LDB3: variants seen among roughly 807,000 people sequenced by gnomAD.
LDB3 encodes LIM domain-binding protein 3.
LDB3 carries 49 observed loss-of-function variants against 69.0 expected under a neutral mutation model. The ratio of observed to expected loss-of-function variants is 0.71; its 90% CI spans 0.56 to 0.90. The LOEUF is 0.90. Ranked by LOEUF, LDB3 falls within the 40% of genes least tolerant of loss-of-function variation. The probability of loss-of-function intolerance (pLI) is 0.00; values close to 1 mark genes in which losing one functional copy is unlikely to be tolerated. For missense variants in LDB3, 928 were observed against 974.1 expected (o/e 0.95, Z 0.63); for synonymous variants, 387 against 396.2 (o/e 0.98, Z 0.28).
intron 10 of LDB3, 152 bp from the exon 11 acceptor site, chr10:86,717,812 T>G: frequency 2.8e-6 from 2 of 722,362 alleles, no homozygotes; most frequent in Non-Finnish European, 4.6e-6. Flanking sequence ...CCTTTCTGCA[T>G]GGAGCTTTCT....
At chr10:86,683,176 T>G (rs1439473609) in intron 5 of LDB3, among the ~76,000 whole-genome samples, 3 of 152,158 alleles carry the variant, frequency 2.0e-5, no homozygotes. Flanking sequence ...GAGGTCAGCC[T>G]CTGGTGGCCT....
intron 7 of LDB3, among the ~76,000 whole-genome samples, chr10:86,700,878 G>A (rs1477101389): frequency 6.6e-6 from 1 of 152,246 alleles, no homozygotes; most frequent in Non-Finnish European, 1.5e-5. Context: ...CTGAGGACAT[G>A]AGAGTGGTGG....
rs1364153970 is a variant in LDB3, at chr10:86,733,776, T to C, written c.*800T>C. 6.6e-6 allele frequency: 1 copy of C among 152,276 alleles called. No individual in the cohort carries two copies. The highest frequency in any genetic ancestry group is 1.5e-5 in the Non-Finnish European group (1 of 68,112). The allele number at this position is 152,276 out of a possible 1,614,324, so 9.4% of individuals were successfully genotyped here. A position where few individuals can be genotyped will look rare whatever the true frequency, so the allele number is the denominator to read the frequency against. On this transcript the variant is annotated 3_prime_UTR_variant, in exon 14 of 14. Coordinates refer to ENST00000361373, the MANE Select transcript of LDB3 (RefSeq NM_007078.3). ...GTTGGGTTTTTCCAGTTTTGCTCTG[T>C]GGTGTGTGAGAGATTTTTTTAAAGG... is the stretch of plus-strand genomic sequence containing the variant.
intron 7 of LDB3, among the ~76,000 whole-genome samples, chr10:86,702,807 C>G (rs542671404): frequency 9.9e-5 from 15 of 152,240 alleles, no homozygotes; most frequent in Middle Eastern, 6.8e-3. Flanking sequence ...TTCAAGATAC[C>G]CTTTGATGCC....
intron 9 of LDB3, among the ~76,000 whole-genome samples, chr10:86,715,998 C>T (rs1846852768): frequency 6.6e-6 from 1 of 152,072 alleles, no homozygotes; most frequent in African/African-American, 2.4e-5. Context: ...GCCCAGGTAC[C>T]CCCACCCCCA....
intron 10 of LDB3, among the ~76,000 whole-genome samples, chr10:86,717,411 A>G (rs544383110): frequency 1.3e-5 from 2 of 152,372 alleles, no homozygotes; most frequent in African/African-American, 4.8e-5. Flanking sequence ...AAATGTCTTC[A>G]TAGTCCCACT....
At position 86,699,400 on chromosome 10, in the gene LDB3, C is replaced by T. The variant is rs1276379351; in HGVS notation, c.896+6829C>T. On this transcript the variant is annotated intron_variant, in intron 7 of 13. Transcript: ENST00000361373. This position sits in a 1 kb window ranked among gnomAD's most constrained non-coding sequence, Gnocchi z 4.9. ...AAGGCTGCCTGGAATCCCCCCACCC[C>T]AACAGGCTGGACTCCCTCCATCCTT... 3.1e-6 allele frequency: 5 copies of T among 1,613,194 alleles called. No individual in the cohort carries two copies. The highest frequency in any genetic ancestry group is 4.2e-6 in the Non-Finnish European group (5 of 1,179,718).
At chr10:86,724,280 C>G (rs926310761) in intron 12 of LDB3, among the ~76,000 whole-genome samples, 1 of 149,692 alleles carries the variant, frequency 6.7e-6, no homozygotes, top group African/African-American at 2.5e-5. Context: ...CCACTGCACT[C>G]CACCTGGGTG....
At chr10:86,679,933 T>A in intron 3 of LDB3, 149 bp from the exon 4 acceptor site, 1 of 739,210 alleles carries the variant, frequency 1.4e-6, no homozygotes, top group Non-Finnish European at 2.4e-6. Context: ...GCCCATGGGG[T>A]GGACAGTGGA....
intron 2 of LDB3, among the ~76,000 whole-genome samples, chr10:86,670,293 G>A (rs1489626488): frequency 1.3e-5 from 2 of 152,136 alleles, no homozygotes; most frequent in African/African-American, 2.4e-5. Context: ...CTTTGCATGA[G>A]GTGGTGACCT....
rs771099131 is a variant in LDB3, at chr10:86,681,790, G to A, written c.676G>A (p.Gly226Arg). The change falls in exon 5 of 14, where the codon GGA becomes AGA. Residue 226 changes from glycine (G) to arginine (R), a missense_variant. Physicochemically the swap from Gly to Arg is moderately radical, Grantham distance 125. Coordinates refer to ENST00000361373, the MANE Select transcript of LDB3 (RefSeq NM_007078.3). ...CCTCCGAGGGAAGGCCTCGGGTGTC[G>A]GACTCCCAGGAGGGTAGGTAACGGA... Reference protein sequence around the residue: ...MSLRGKASGVGLPGGSLPIKD... With the variant: ...MSLRGKASGVRLPGGSLPIKD... 2.1e-5 allele frequency: 33 copies of A among 1,595,024 alleles called. No individual in the cohort carries two copies. Among genetic ancestry groups the A allele is most frequent in the East Asian group, 2.0e-4 (9 of 44,662 alleles).
chr10:86,686,095 G>T (rs1192751809), intron 5 of LDB3, among the ~76,000 whole-genome samples: 3 of 152,182 alleles, frequency 2.0e-5, no homozygotes, highest in Non-Finnish European at 4.4e-5. Flanking sequence ...TCTGCCCGGG[G>T]AGCGCACCTA....
At chr10:86,677,074 G>T (rs192592109) in intron 2 of LDB3, among the ~76,000 whole-genome samples, 1 of 152,218 alleles carries the variant, frequency 6.6e-6, no homozygotes, top group Non-Finnish European at 1.5e-5. Flanking sequence ...ACTGGCTGGT[G>T]GGCATGTTTG....
rs143817921 is a variant in LDB3, at chr10:86,724,911, G to A, written c.1979-1226G>A. ...GAAGGTTGAGGCCTTGAGAAGTTAC[G>A]CCACTTGCCCCAGGTTTGAACATTT... On this transcript the variant is annotated intron_variant, in intron 12 of 13. Coordinates refer to ENST00000361373, the MANE Select transcript of LDB3 (RefSeq NM_007078.3). Among the ~76,000 whole-genome samples the A allele has an allele frequency of 8.5e-5, 13 of 152,212 alleles. No homozygotes were observed. In the East Asian group the frequency reaches 2.5e-3, roughly 29 times the overall value.
chr10:86,706,064 C>G (rs1056870200), intron 7 of LDB3, among the ~76,000 whole-genome samples: 3 of 152,190 alleles, frequency 2.0e-5, no homozygotes, highest in African/African-American at 7.2e-5. Context: ...ACTCCAGAGC[C>G]TAAGCCCTTG....
At chr10:86,675,443 T>C (rs1170842776) in intron 2 of LDB3, among the ~76,000 whole-genome samples, 1 of 152,352 alleles carries the variant, frequency 6.6e-6, no homozygotes. Flanking sequence ...CTCCCATCTT[T>C]CCTGTCAGCA....
chr10:86,707,892 C>G (rs969090764), intron 8 of LDB3, among the ~76,000 whole-genome samples: 2 of 152,262 alleles, frequency 1.3e-5, no homozygotes, highest in African/African-American at 2.4e-5. Context: ...ACTGCTTCCC[C>G]TCTTTATACC....
intron 9 of LDB3, among the ~76,000 whole-genome samples, chr10:86,711,928 G>A (rs1302390422): frequency 6.6e-6 from 1 of 152,044 alleles, no homozygotes; most frequent in Non-Finnish European, 1.5e-5. Flanking sequence ...AGTGCGATAG[G>A]GGACTTTTGA....
At chr10:86,677,680 C>T (rs1018944236) in intron 2 of LDB3, among the ~76,000 whole-genome samples, 24 of 152,244 alleles carry the variant, frequency 1.6e-4, no homozygotes, top group African/African-American at 5.1e-4. Context: ...GTGGTATTAT[C>T]GGGGCTCAGG....
Sources: allele counts gnomAD v4.1 joint callset (sites outside exome capture counted in the v4.1 genomes callset), GRCh38; gene constraint gnomAD v4.1.1; non-coding constraint Gnocchi (gnomAD v3.1); transcripts MANE v1.5; gene names NCBI Gene and HGNC (gene_info 2026-07-23, HGNC 2026-07-21).